Variants in CDYL observed in about 807,000 individuals in gnomAD.
CDYL encodes the protein chromodomain Y-like protein.
CDYL carries 8 observed loss-of-function variants against 47.3 expected under a neutral mutation model. The ratio of observed to expected loss-of-function variants is 0.17; its 90% CI spans 0.10 to 0.31. The LOEUF (loss-of-function observed/expected upper bound fraction) is 0.31, where lower values mean the gene tolerates loss of function less well. Among genes scored for constraint, CDYL ranks in the 10% least tolerant of loss-of-function variants. The probability of loss-of-function intolerance (pLI) is 1.00; values close to 1 mark genes in which losing one functional copy is unlikely to be tolerated. For missense variants in CDYL, 471 were observed against 701.4 expected, an observed-to-expected ratio of 0.67 and a Z score of 3.71; for synonymous variants, 266 against 265.0, an observed-to-expected ratio of 1.00 and a Z score of -0.04.
chr6:4,937,591 G>C lies in CDYL; in HGVS notation c.975G>C (p.Leu325=). 6.3e-7 allele frequency: 1 copy of C among 1,593,456 alleles called. No individual in the cohort carries two copies. Among genetic ancestry groups the C allele is most frequent in the East Asian group, 2.3e-5 (1 of 44,074 alleles). ...PEVMREVQSA[L]STAAADDSKL... is the part of the protein sequence containing the mutation. ...TAATGAGAGAAGTCCAGAGTGCTCT[G>C]AGCACGGCCGCTGCCGATGACAGCA... The change falls in exon 4 of 7, where the codon CTG becomes CTC. Residue 325 remains leucine, a synonymous_variant. Transcript: ENST00000397588.
At chr6:4,724,584 T>G (rs1757455785) in intron 2 of CDYL, 1 of 152,432 alleles carries the variant, frequency 6.6e-6, no homozygotes, top group African/African-American at 2.4e-5. Flanking sequence ...TTCCTTCTGC[T>G]GCTCGGATGT....
intron 1 of CDYL, among the ~76,000 whole-genome samples, chr6:4,835,682 G>A (rs981208250): frequency 2.6e-5 from 4 of 152,228 alleles, no homozygotes; most frequent in African/African-American, 9.6e-5. Flanking sequence ...CAGAGGTGGA[G>A]CCTACAGAGG....
chr6:4,751,573 G>A (rs1757990779), intron 3 of CDYL, among the ~76,000 whole-genome samples: 1 of 152,144 alleles, frequency 6.6e-6, no homozygotes, highest in Admixed American at 6.5e-5. Flanking sequence ...ATAATGAAGA[G>A]GGCTGTTGTT....
At chr6:4,871,538 G>C (rs1252997556) in intron 1 of CDYL, among the ~76,000 whole-genome samples, 1 of 152,102 alleles carries the variant, frequency 6.6e-6, no homozygotes, top group East Asian at 1.9e-4. Context: ...GACTCTCTAG[G>C]ATCCATCTGG....
chr6:4,760,803 C>G (rs1473048855), intron 3 of CDYL, among the ~76,000 whole-genome samples: 1 of 150,976 alleles, frequency 6.6e-6, no homozygotes, highest in African/African-American at 2.4e-5. Flanking sequence ...ATAAGAGTAA[C>G]TGCCAGAAAA....
intron 2 of CDYL, among the ~76,000 whole-genome samples, chr6:4,719,340 C>T (rs1489528246): frequency 6.6e-6 from 1 of 152,122 alleles, no homozygotes; most frequent in Non-Finnish European, 1.5e-5. Flanking sequence ...ATTACTAGGT[C>T]GAAAGATGTG....
chr6:4,906,063 G>A (rs1757225353), intron 2 of CDYL, among the ~76,000 whole-genome samples: 2 of 152,224 alleles, frequency 1.3e-5, no homozygotes, highest in South Asian at 4.1e-4. Flanking sequence ...CTAAGGAGGA[G>A]TGTCTACAGC....
At chr6:4,809,972 G>A (rs2009326) in intron 1 of CDYL, among the ~76,000 whole-genome samples, 13,777 of 128,414 alleles carry the variant, frequency 0.11, 2,224 homozygotes, top group African/African-American at 0.36. Flanking sequence ...GGGGTATTAT[G>A]TTAGTCCTTG....
intron 5 of CDYL, among the ~76,000 whole-genome samples, chr6:4,948,537 G>T (rs1397144339): frequency 2.8e-5 from 1 of 35,408 alleles, no homozygotes; most frequent in East Asian, 3.4e-3. Context: ...TTTCACCCCC[G>T]ACCTCACCCC....
chr6:4,726,714 G>C (rs886100868), intron 2 of CDYL, among the ~76,000 whole-genome samples: 20 of 147,354 alleles, frequency 1.4e-4, no homozygotes, highest in East Asian at 3.9e-4. Flanking sequence ...AAAAAAAAAA[G>C]TCGAATAAAT....
chr6:4,712,890 T>TG (rs1757177577), intron 1 of CDYL, among the ~76,000 whole-genome samples: 1 of 152,186 alleles, frequency 6.6e-6, no homozygotes, highest in Admixed American at 6.5e-5. Context: ...ACTGTGGATG[T>TG]GGCTCACCAT....
chr6:4,738,983 GA>G lies in CDYL; in HGVS notation c.186+4142del, dbSNP rs555014081. Among the ~76,000 whole-genome samples, 645 of 152,038 alleles carry G rather than the reference GA, an allele frequency of 4.2e-3. 6 individuals carry two copies. The highest frequency in any genetic ancestry group is 0.016 in the South Asian group (78 of 4,818). ...TCAAGCCCAGCCTGACCAACATGGAGAAACCCCATCTCTACTAAAAACACAA... is the reference window on the plus strand; with the variant it reads ...TCAAGCCCAGCCTGACCAACATGGAGAACCCCATCTCTACTAAAAACACAA... On this transcript the variant is annotated intron_variant, in intron 3 of 8. Coordinates refer to the CDYL transcript ENST00000328908.
intron 5 of CDYL, among the ~76,000 whole-genome samples, chr6:4,946,113 G>A (rs1425781768): frequency 1.3e-5 from 2 of 152,172 alleles, no homozygotes; most frequent in Non-Finnish European, 2.9e-5. Context: ...GACTGCATCA[G>A]CCTTTGGTAA....
chr6:4,848,915 A>T (rs1760743003), intron 1 of CDYL, among the ~76,000 whole-genome samples: 1 of 152,232 alleles, frequency 6.6e-6, no homozygotes, highest in Admixed American at 6.5e-5. Flanking sequence ...TTTGAAGCTT[A>T]TCTTGTTTAC....
chr6:4,871,722 A>G (rs1317531710), intron 1 of CDYL, among the ~76,000 whole-genome samples: 1 of 152,114 alleles, frequency 6.6e-6, no homozygotes, highest in Non-Finnish European at 1.5e-5. Flanking sequence ...TCCACCCTAA[A>G]TAGTCTCCCC....
At chr6:4,918,020 C>G (rs1007565015) in intron 2 of CDYL, among the ~76,000 whole-genome samples, 1 of 152,102 alleles carries the variant, frequency 6.6e-6, no homozygotes, top group African/African-American at 2.4e-5. Context: ...CCTTTAATAT[C>G]TAGGTTTTGA....
At chr6:4,933,570 A>C (rs1758095802) in intron 2 of CDYL, among the ~76,000 whole-genome samples, 1 of 151,842 alleles carries the variant, frequency 6.6e-6, no homozygotes, top group Non-Finnish European at 1.5e-5. Context: ...GACTGGAGGA[A>C]CAGATTAGAG....
intron 2 of CDYL, among the ~76,000 whole-genome samples, chr6:4,723,762 G>A (rs970899966): frequency 9.9e-5 from 15 of 152,172 alleles, no homozygotes; most frequent in Admixed American, 2.6e-4. Flanking sequence ...ACATAAGCCT[G>A]GCCCCTGCTC....
chr6:4,708,165 CACACACACACACAT>C (rs905354339), intron 1 of CDYL, among the ~76,000 whole-genome samples: 19 of 147,416 alleles, frequency 1.3e-4, no homozygotes, highest in African/African-American at 3.2e-4. Context: ...CACACACACA[CACACACACACACAT>C]ATATATATAT....
Sources: allele counts gnomAD v4.1 joint callset (sites outside exome capture counted in the v4.1 genomes callset), GRCh38; gene constraint gnomAD v4.1.1; transcripts MANE v1.5; gene names NCBI Gene and HGNC (gene_info 2026-07-23, HGNC 2026-07-21).